Variants in ATP2B2 observed in about 807,000 individuals in gnomAD.
The protein encoded by ATP2B2 is plasma membrane calcium-transporting ATPase 2.
Under a neutral mutation model 120.0 loss-of-function variants are expected in ATP2B2, and 15 were observed. The ratio of observed to expected loss-of-function variants is 0.12; its 90% CI spans 0.08 to 0.19. ATP2B2 has a LOEUF of 0.19. Among genes scored for constraint, ATP2B2 ranks in the 10% least tolerant of loss-of-function variants. The pLI is 1.00. For synonymous variants in ATP2B2, 694 were observed against 700.3 expected, an observed-to-expected ratio of 0.99 and a Z score of 0.14; for missense variants, 1,045 against 1,719.8, an observed-to-expected ratio of 0.61 and a Z score of 6.94.
intron 3 of ATP2B2, among the ~76,000 whole-genome samples, chr3:10,408,447 G>C (rs1312076126): frequency 5.3e-5 from 8 of 152,218 alleles, no homozygotes; most frequent in Non-Finnish European, 1.0e-4. Flanking sequence ...TCAGATCTCA[G>C]GCCAGGGCGT....
chr3:10,389,826 C>G (rs972804962), intron 5 of ATP2B2, among the ~76,000 whole-genome samples: 1 of 152,136 alleles, frequency 6.6e-6, no homozygotes, highest in Non-Finnish European at 1.5e-5. Context: ...GAAGCCATGG[C>G]CTCACTGGGG....
chr3:10,562,269 G>C (rs889374773), intron 2 of ATP2B2, among the ~76,000 whole-genome samples: 1 of 152,216 alleles, frequency 6.6e-6, no homozygotes, highest in African/African-American at 2.4e-5. Context: ...CAGGCTGGCA[G>C]GACATCAAGA....
intron 1 of ATP2B2, among the ~76,000 whole-genome samples, chr3:10,676,852 A>T (rs1478734384): frequency 6.6e-6 from 1 of 152,238 alleles, no homozygotes; most frequent in East Asian, 1.9e-4. Flanking sequence ...TCAGCCATTT[A>T]AAACTATGTC....
intron 2 of ATP2B2, among the ~76,000 whole-genome samples, chr3:10,606,061 C>T (rs577771801): frequency 2.0e-5 from 3 of 152,122 alleles, no homozygotes; most frequent in Non-Finnish European, 4.4e-5. Context: ...AAGGCTGCAG[C>T]GAGCTACGAT....
intron 1 of ATP2B2, among the ~76,000 whole-genome samples, chr3:10,676,491 A>G (rs2071246968): frequency 6.6e-6 from 1 of 151,936 alleles, no homozygotes; most frequent in African/African-American, 2.4e-5. Flanking sequence ...CTCATCCCCT[A>G]GGGATGGGGA....
intron 2 of ATP2B2, among the ~76,000 whole-genome samples, chr3:10,618,066 G>A (rs374418220): frequency 2.0e-4 from 31 of 152,226 alleles, no homozygotes; most frequent in Non-Finnish European, 3.4e-4. Context: ...CAAACATGCC[G>A]TGGCAGGGAA....
chr3:10,513,982 G>C (rs1163754420), intron 3 of ATP2B2, among the ~76,000 whole-genome samples: 1 of 152,184 alleles, frequency 6.6e-6, no homozygotes, highest in African/African-American at 2.4e-5. Context: ...GCCCTGAGAC[G>C]GGGACATGAT....
chr3:10,328,761 G>C lies in ATP2B2; in HGVS notation c.*53C>G. The C allele has an allele frequency of 6.5e-7, 1 of 1,538,828 alleles. No individual in the cohort carries two copies. The highest frequency in any genetic ancestry group is 1.8e-5 in the Admixed American group (1 of 54,178). On this transcript the variant is annotated 3_prime_UTR_variant, in exon 23 of 23. Transcript: ENST00000360273. ...GCCTGGATGGATGGGTGCCCGGAAA[G>C]CGGGTGGCAGCGGGGTCCATGAGGG...
At chr3:10,458,008 G>A (rs983803054) in intron 1 of ATP2B2, among the ~76,000 whole-genome samples, 1 of 152,104 alleles carries the variant, frequency 6.6e-6, no homozygotes, top group African/African-American at 2.4e-5. Flanking sequence ...GTTCTCAGAG[G>A]AGTTGCCAAT....
intron 1 of ATP2B2, among the ~76,000 whole-genome samples, chr3:10,483,503 T>G (rs34891): frequency 0.32 from 49,003 of 152,050 alleles, 8,241 homozygotes; most frequent in Admixed American, 0.45. Context: ...TGGCCCTGAG[T>G]GGCTGGAATC....
intron 1 of ATP2B2, among the ~76,000 whole-genome samples, chr3:10,704,771 T>C (rs2071872711): frequency 1.3e-5 from 2 of 152,234 alleles, no homozygotes; most frequent in Admixed American, 6.5e-5. Context: ...ATGAAAAGTC[T>C]GAGAAATAAG....
intron 1 of ATP2B2, among the ~76,000 whole-genome samples, chr3:10,634,385 C>T (rs1314006163): frequency 6.6e-6 from 1 of 152,196 alleles, no homozygotes; most frequent in African/African-American, 2.4e-5. Flanking sequence ...GGTGACCCCA[C>T]TGGGGGCCGT....
chr3:10,604,676 C>T (rs553788157), intron 2 of ATP2B2, among the ~76,000 whole-genome samples: 2 of 152,326 alleles, frequency 1.3e-5, no homozygotes, highest in African/African-American at 4.8e-5. Flanking sequence ...AACCTGGGTC[C>T]CTGACATCTC....
rs370307500 is a variant in ATP2B2, at chr3:10,401,121, A to G, written c.656-43T>C. 1.6e-5 allele frequency: 25 copies of G among 1,611,128 alleles called. No individual in the cohort carries two copies. In the African/African-American group the frequency reaches 3.2e-4, roughly 21 times the overall value. ...AGGGGAGTCAGCAGGCTCTCAGGTG[A>G]CTAGAGGGCTGGAACATTCCCTTAA... On this transcript the variant is annotated intron_variant, in intron 4 of 22. Coordinates refer to ENST00000360273, the MANE Select transcript of ATP2B2 (RefSeq NM_001001331.4).
intron 1 of ATP2B2, among the ~76,000 whole-genome samples, chr3:10,680,253 G>A (rs1400637881): frequency 6.6e-6 from 1 of 152,190 alleles, no homozygotes; most frequent in Admixed American, 6.5e-5. Flanking sequence ...TTTGCCATTT[G>A]TAAAGTGGGA....
At position 10,401,029 on chromosome 3, in the gene ATP2B2, C is replaced by T. The variant is rs2062202031; in HGVS notation, c.705G>A (p.Lys235=). 2 of 1,614,196 alleles carry T rather than the reference C, an allele frequency of 1.2e-6. No individual in the cohort carries two copies. The highest frequency in any genetic ancestry group is 8.5e-7 in the Non-Finnish European group (1 of 1,180,018). ...CTCCAGTTAGGGAGCTTTCATCAATCTTGAGGTCATTGCCCTGGATGAAGA... is the reference window on the plus strand; with the variant it reads ...CTCCAGTTAGGGAGCTTTCATCAATTTTGAGGTCATTGCCCTGGATGAAGA... ...DGLFIQGNDL[K]IDESSLTGES... is the part of the protein sequence containing the mutation. Residue 235 remains lysine (K), a synonymous_variant, in exon 5 of 23, where the codon AAG becomes AAA. Transcript: ENST00000360273.
Position 10,694,258 on chromosome 3 carries a change from C to A in ATP2B2, c.-460+13657G>T, listed in dbSNP as rs577988129. Among the ~76,000 whole-genome samples the A allele has an allele frequency of 1.6e-4, 25 of 152,334 alleles. No homozygotes were observed. In the East Asian group the frequency reaches 2.3e-3, roughly 14 times the overall value. ...ACCTTTGCATAACCACCACCACTAT[C>A]AAGGTACTCAACTGGACCATCACCA... On this transcript the variant is annotated intron_variant, in intron 1 of 21. Transcript: ENST00000646379.
At chr3:10,403,241 T>C (rs1342566891) in intron 3 of ATP2B2, among the ~76,000 whole-genome samples, 1 of 152,186 alleles carries the variant, frequency 6.6e-6, no homozygotes, top group South Asian at 2.1e-4. Flanking sequence ...TCCGTCCTTG[T>C]CAGACGTCAG....
intron 2 of ATP2B2, among the ~76,000 whole-genome samples, chr3:10,611,867 T>C (rs1488267864): frequency 6.6e-6 from 1 of 152,206 alleles, no homozygotes; most frequent in African/African-American, 2.4e-5. Flanking sequence ...AAGTGTTAGA[T>C]AGGAGAATGC....
Sources: allele counts gnomAD v4.1 joint callset (sites outside exome capture counted in the v4.1 genomes callset), GRCh38; gene constraint gnomAD v4.1.1; transcripts MANE v1.5; gene names NCBI Gene and HGNC (gene_info 2026-07-23, HGNC 2026-07-21).